Variants in CDH18 observed in about 807,000 individuals in gnomAD.
CDH18 encodes cadherin 18.
In CDH18, 31 loss-of-function variants were observed where a neutral mutation model predicts 67.9. That is an observed-to-expected ratio of 0.46 (90% CI 0.34 to 0.62). The LOEUF (loss-of-function observed/expected upper bound fraction) is 0.62. Ranked by LOEUF, CDH18 falls within the 20% of genes least tolerant of loss-of-function variation. CDH18 has a pLI of 0.01. For missense variants in CDH18, 890 were observed against 975.5 expected (o/e 0.91, Z 1.17); for synonymous variants, 362 against 347.2 (o/e 1.04, Z -0.48).
intron 2 of CDH18, among the ~76,000 whole-genome samples, chr5:20,152,163 T>G (rs1156624453): frequency 7.0e-6 from 1 of 142,038 alleles, no homozygotes; most frequent in East Asian, 2.0e-4. Context: ...TTTATAATTA[T>G]ATATAAAATA....
chr5:20,531,787 C>T (rs1006795000), intron 1 of CDH18, among the ~76,000 whole-genome samples: 1 of 152,000 alleles, frequency 6.6e-6, no homozygotes, highest in African/African-American at 2.4e-5. Context: ...CTAATACATG[C>T]TGGGCTTAAT....
intron 3 of CDH18, among the ~76,000 whole-genome samples, chr5:19,811,153 AGAAAGAAG>A (rs768762440): frequency 0.37 from 18,573 of 50,332 alleles, 4,611 homozygotes; most frequent in African/African-American, 0.41. Context: ...AAAGAAAGAA[AGAAAGAAG>A]GAGAGAAAGA....
intron 5 of CDH18, among the ~76,000 whole-genome samples, chr5:19,714,096 G>A (rs913065063): frequency 2.0e-5 from 3 of 152,064 alleles, no homozygotes; most frequent in African/African-American, 7.2e-5. Context: ...CAATTTCCAT[G>A]TAACCTTCTC....
chr5:20,354,829 CA>C (rs1741478672), intron 1 of CDH18, among the ~76,000 whole-genome samples: 1 of 152,104 alleles, frequency 6.6e-6, no homozygotes, highest in African/African-American at 2.4e-5. Flanking sequence ...GTAACCATGA[CA>C]ATAGGATTAT....
intron 2 of CDH18, among the ~76,000 whole-genome samples, chr5:20,033,732 T>C (rs1739602267): frequency 6.6e-6 from 1 of 152,034 alleles, no homozygotes; most frequent in African/African-American, 2.4e-5. Flanking sequence ...ATAAGCACTT[T>C]TAGTACATAT....
chr5:19,605,903 GA>G (rs1056155818), intron 6 of CDH18, among the ~76,000 whole-genome samples: 1 of 151,872 alleles, frequency 6.6e-6, no homozygotes, highest in African/African-American at 2.4e-5. Flanking sequence ...GGTAAGTGAG[GA>G]AAAAAACAAA....
intron 3 of CDH18, among the ~76,000 whole-genome samples, chr5:19,750,900 C>T (rs1350945077): frequency 6.6e-6 from 1 of 151,536 alleles, no homozygotes; most frequent in Non-Finnish European, 1.5e-5. Flanking sequence ...GAAAGATAGA[C>T]ATTATATTGT....
At chr5:20,007,040 A>C (rs1736954339) in intron 2 of CDH18, among the ~76,000 whole-genome samples, 2 of 151,988 alleles carry the variant, frequency 1.3e-5, no homozygotes. Context: ...ATTTCATTTC[A>C]AAATTGATTC....
intron 9 of CDH18, among the ~76,000 whole-genome samples, chr5:19,537,254 A>G (rs989684235): frequency 1.3e-5 from 2 of 152,146 alleles, no homozygotes; most frequent in Admixed American, 1.3e-4. Context: ...TTCTGGTTCT[A>G]TAGCAGTCTG....
chr5:19,662,826 C>A (rs1757371755), intron 5 of CDH18, among the ~76,000 whole-genome samples: 1 of 151,876 alleles, frequency 6.6e-6, no homozygotes, highest in Admixed American at 6.6e-5. Flanking sequence ...CTTTCATTTC[C>A]ATAACAAATA....
At chr5:19,710,783 T>A (rs1293494243) in intron 5 of CDH18, among the ~76,000 whole-genome samples, 1 of 152,148 alleles carries the variant, frequency 6.6e-6, no homozygotes, top group Non-Finnish European at 1.5e-5. Context: ...AGTTAGATAA[T>A]GTAGGCCTTC....
chr5:20,277,645 G>T (rs780294045), intron 1 of CDH18, among the ~76,000 whole-genome samples: 1 of 152,052 alleles, frequency 6.6e-6, no homozygotes, highest in Non-Finnish European at 1.5e-5. Context: ...GACCACCCAG[G>T]AAAACATGAC....
chr5:19,907,063 A>G (rs1459193542), intron 2 of CDH18, among the ~76,000 whole-genome samples: 1 of 152,024 alleles, frequency 6.6e-6, no homozygotes, highest in Non-Finnish European at 1.5e-5. Context: ...ATGATTGCTG[A>G]AAATTGTCAG....
chr5:19,484,220 A>G (rs994202981), intron 11 of CDH18, among the ~76,000 whole-genome samples: 3 of 152,228 alleles, frequency 2.0e-5, no homozygotes, highest in African/African-American at 7.2e-5. Context: ...ATAAAACTTT[A>G]TGAGGGACAG....
intron 10 of CDH18, among the ~76,000 whole-genome samples, chr5:19,509,997 A>C (rs560202091): frequency 6.6e-6 from 1 of 152,208 alleles, no homozygotes; most frequent in South Asian, 2.1e-4. Context: ...CGGGGCTTAA[A>C]CTTTCATAAA....
intron 2 of CDH18, among the ~76,000 whole-genome samples, chr5:20,083,547 C>T (rs1046995214): frequency 6.6e-6 from 1 of 152,168 alleles, no homozygotes; most frequent in South Asian, 2.1e-4. Context: ...ACAGACTGGG[C>T]ATTCCCCCAT....
At chr5:20,163,813 A>G (rs1580379970) in intron 2 of CDH18, among the ~76,000 whole-genome samples, 1 of 152,234 alleles carries the variant, frequency 6.6e-6, no homozygotes, top group South Asian at 2.1e-4. Flanking sequence ...ACAACCCATG[A>G]AACAAAATCA....
chr5:19,570,976 G>C (rs1741282289), intron 8 of CDH18, among the ~76,000 whole-genome samples: 1 of 152,144 alleles, frequency 6.6e-6, no homozygotes, highest in Non-Finnish European at 1.5e-5. Flanking sequence ...GAGTTCCCAC[G>C]CTGATTTTCC....
chr5:20,244,405 C>T (rs908683249), intron 2 of CDH18, among the ~76,000 whole-genome samples: 1 of 152,010 alleles, frequency 6.6e-6, no homozygotes, highest in Admixed American at 6.6e-5. Flanking sequence ...TCGTTGCCAT[C>T]GTTGTCCAGC....
Sources: gnomAD v4.1 joint callset for allele counts (sites outside exome capture counted in the v4.1 genomes callset) on GRCh38, gnomAD v4.1.1 for gene constraint, MANE v1.5 for transcripts, NCBI Gene and HGNC (gene_info 2026-07-23, HGNC 2026-07-21) for gene names.